Variants in CDH1 observed in about 807,000 individuals in gnomAD.
The protein encoded by CDH1 is cadherin-1.
Under a neutral mutation model 84.5 loss-of-function variants are expected in CDH1, and 35 were observed. That is an observed-to-expected ratio of 0.41 (90% confidence interval 0.32 to 0.55). The LOEUF is 0.55. Among genes scored for constraint, CDH1 ranks in the 20% least tolerant of loss-of-function variants. The pLI, the probability that CDH1 is intolerant of heterozygous loss-of-function variation, is 0.19. For missense variants in CDH1, 994 were observed against 1,126.6 expected, an observed-to-expected ratio of 0.88 and a Z score of 1.68; for synonymous variants, 417 against 439.0, an observed-to-expected ratio of 0.95 and a Z score of 0.63.
At chr16:68,831,185 T>A (rs1961475329) in intron 15 of CDH1, among the ~76,000 whole-genome samples, 1 of 149,042 alleles carries the variant, frequency 6.7e-6, no homozygotes. Context: ...TTCACACCAT[T>A]CTCCTGGCTC....
chr16:68,745,542 A>AT (rs1453691476), intron 2 of CDH1, among the ~76,000 whole-genome samples: 1,761 of 58,632 alleles, frequency 0.03, 49 homozygotes, highest in African/African-American at 0.05. Context: ...TCAAAAAAAA[A>AT]AAAAAAAATA....
At chr16:68,811,388 C>T (rs1270181769) in intron 6 of CDH1, among the ~76,000 whole-genome samples, 5 of 129,456 alleles carry the variant, frequency 3.9e-5, no homozygotes, top group African/African-American at 1.7e-4. Flanking sequence ...AGGAGCAAAA[C>T]TCCGTCTCAA....
chr16:68,755,059 C>G (rs559185605), intron 2 of CDH1, among the ~76,000 whole-genome samples: 1 of 151,996 alleles, frequency 6.6e-6, no homozygotes, highest in South Asian at 2.1e-4. Flanking sequence ...GCAGGTAGAT[C>G]TCTTGAGCCC....
At chr16:68,775,125 CAAAAAAAAA>C (rs58497601) in intron 2 of CDH1, among the ~76,000 whole-genome samples, 1 of 108,162 alleles carries the variant, frequency 9.2e-6, no homozygotes, top group Non-Finnish European at 2.1e-5. Flanking sequence ...GGCCCTGTCT[CAAAAAAAAA>C]AAAAAAAGAA....
intron 11 of CDH1, among the ~76,000 whole-genome samples, chr16:68,819,958 A>G (rs887025385): frequency 4.6e-5 from 7 of 152,104 alleles, no homozygotes; most frequent in Admixed American, 3.9e-4. Context: ...CAGCACTTAG[A>G]GAGGCTGAGG....
chr16:68,809,226 C>CTTTTTTTTTTTTTTTTTTTTTTTTT (rs536314715), intron 5 of CDH1, among the ~76,000 whole-genome samples: 2 of 135,464 alleles, frequency 1.5e-5, no homozygotes, highest in Admixed American at 7.4e-5. Flanking sequence ...ACCAAGAGGT[C>CTTTTTTTTTTTTTTTTTTTTTTTTT]TTTTTTTTTT....
chr16:68,746,963 C>G (rs1203102040), intron 2 of CDH1, among the ~76,000 whole-genome samples: 1 of 152,038 alleles, frequency 6.6e-6, no homozygotes, highest in Non-Finnish European at 1.5e-5. Flanking sequence ...AACAAACAAA[C>G]AAACACACCA....
chr16:68,831,817 G>C (rs1445281917), intron 15 of CDH1, among the ~76,000 whole-genome samples: 2 of 152,096 alleles, frequency 1.3e-5, no homozygotes, highest in Non-Finnish European at 2.9e-5. Context: ...GGGATTATGG[G>C]TGTGAGCCAC....
intron 15 of CDH1, 145 bp downstream of exon 15, chr16:68,829,942 T>C: frequency 6.8e-6 from 5 of 735,744 alleles, no homozygotes; most frequent in African/African-American, 4.5e-5. Flanking sequence ...TTTTCCTTTT[T>C]CTTTTTTTTT....
At chr16:68,803,143 C>T (rs1960560466) in intron 3 of CDH1, among the ~76,000 whole-genome samples, 1 of 152,074 alleles carries the variant, frequency 6.6e-6, no homozygotes, top group Non-Finnish European at 1.5e-5. Flanking sequence ...GTTGTAAGTG[C>T]CAGGGCCAGT....
intron 2 of CDH1, among the ~76,000 whole-genome samples, chr16:68,782,766 G>A (rs569143743): frequency 3.9e-5 from 6 of 152,234 alleles, no homozygotes; most frequent in African/African-American, 1.4e-4. Flanking sequence ...ATTGTTGACA[G>A]TGAGCCCGTT....
intron 12 of CDH1, chr16:68,822,945 G>A: frequency 4.1e-6 from 1 of 241,744 alleles, no homozygotes. Flanking sequence ...GGTTCCACCT[G>A]CACAGACCCC....
Position 68,823,599 on chromosome 16 carries a change from A to T in CDH1, c.2137A>T (p.Ile713Phe), listed in dbSNP as rs1289236005. The T allele has an allele frequency of 6.2e-7, 1 of 1,613,162 alleles. No individual in the cohort carries two copies. The highest frequency in any genetic ancestry group is 1.1e-5 in the South Asian group (1 of 91,074). ...ATTGCAAATTCCTGCCATTCTGGGG[A>T]TTCTTGGAGGAATTCTTGCTTTGCT... is the stretch of plus-strand genomic sequence containing the variant. Reference protein sequence around the residue: ...AGLQIPAILGILGGILALLIL... With the variant: ...AGLQIPAILGFLGGILALLIL... Residue 713 changes from isoleucine (I) to phenylalanine (F), a missense_variant, in exon 13 of 16, where the codon ATT becomes TTT. Physicochemically the swap from Ile to Phe is conservative, Grantham distance 21. Around this residue, in one of 3 missense-constraint regions of CDH1, gnomAD observed 769 missense variants for 881.8 expected, o/e 0.87. Coordinates refer to ENST00000261769, the MANE Select transcript of CDH1 (RefSeq NM_004360.5).
intron 2 of CDH1, among the ~76,000 whole-genome samples, chr16:68,790,085 G>C (rs1960168119): frequency 6.6e-6 from 1 of 152,074 alleles, no homozygotes; most frequent in Non-Finnish European, 1.5e-5. Flanking sequence ...AAAAAACCCA[G>C]GAAAGTCTCT....
intron 12 of CDH1, chr16:68,822,451 G>A: frequency 1.7e-6 from 1 of 597,056 alleles, no homozygotes; most frequent in Admixed American, 2.6e-5. Context: ...CCCAAGCAGG[G>A]CTCCCTCTCC....
At chr16:68,818,215 G>A (rs889179397) in intron 10 of CDH1, among the ~76,000 whole-genome samples, 2 of 147,522 alleles carry the variant, frequency 1.4e-5, no homozygotes, top group African/African-American at 5.1e-5. Context: ...ACTCCAGCCT[G>A]GGCGACAGAA....
chr16:68,796,454 G>T (rs1960364172), intron 2 of CDH1, among the ~76,000 whole-genome samples: 1 of 152,174 alleles, frequency 6.6e-6, no homozygotes, highest in Non-Finnish European at 1.5e-5. Context: ...TCACATTCCA[G>T]TTATGGGACC....
intron 13 of CDH1, among the ~76,000 whole-genome samples, chr16:68,827,672 A>G (rs1961355795): frequency 6.6e-6 from 1 of 152,094 alleles, no homozygotes; most frequent in Admixed American, 6.6e-5. Flanking sequence ...CCTGCTCACA[A>G]ACCTTCAATG....
intron 2 of CDH1, among the ~76,000 whole-genome samples, chr16:68,761,640 A>G (rs1959227397): frequency 6.6e-6 from 1 of 152,154 alleles, no homozygotes; most frequent in Non-Finnish European, 1.5e-5. Flanking sequence ...GATGAATCGG[A>G]ATGGAGCATT....
Sources: allele counts gnomAD v4.1 joint callset (sites outside exome capture counted in the v4.1 genomes callset), GRCh38; gene constraint gnomAD v4.1.1; regional missense constraint gnomAD v4.1.1; transcripts MANE v1.5; gene names NCBI Gene and HGNC (gene_info 2026-07-23, HGNC 2026-07-21).